Variants in MFHAS1 observed in about 807,000 individuals in gnomAD.
MFHAS1 encodes malignant fibrous histiocytoma-amplified sequence 1.
MFHAS1 carries 50 observed loss-of-function variants against 70.4 expected under a neutral mutation model. The observed-to-expected ratio is 0.71, with a 90% CI of 0.57 to 0.90. The LOEUF is 0.90. Among genes scored for constraint, MFHAS1 ranks in the 40% least tolerant of loss-of-function variants. MFHAS1 has a pLI of 0.00. For missense variants in MFHAS1, 1,795 were observed against 1,347.6 expected (o/e 1.33, Z -5.20); for synonymous variants, 952 against 620.0 (o/e 1.54, Z -7.96).
At chr8:8,879,303 A>G (rs545645574) in intron 1 of MFHAS1, among the ~76,000 whole-genome samples, 113 of 152,216 alleles carry the variant, frequency 7.4e-4, no homozygotes, top group Non-Finnish European at 1.1e-3. Flanking sequence ...GTGAGCCAAG[A>G]TCGCATCACT....
chr8:8,892,750 G>A lies in MFHAS1; in HGVS notation c.309C>T (p.Pro103=), dbSNP rs1186703477. The change falls in exon 1 of 3, where the codon CCC becomes CCT. Residue 103 remains proline, a synonymous_variant. Transcript: ENST00000276282. The surrounding 1 kb of genome is among the most constrained non-coding windows in gnomAD (Gnocchi z 4.7). ...GGTGGCCGAGCTCGGCCACCGCCGGGGGCAGCCGGGCGAAGCGGTTCCTGC... is the reference window on the plus strand; with the variant it reads ...GGTGGCCGAGCTCGGCCACCGCCGGAGGCAGCCGGGCGAAGCGGTTCCTGC... The part of the protein sequence containing the change: ...VLRRNRFARL[P]PAVAELGHHL... 7.0e-6 allele frequency: 11 copies of A among 1,575,912 alleles called. No individual in the cohort carries two copies. The highest frequency in any genetic ancestry group is 8.6e-6 in the Non-Finnish European group (10 of 1,163,392).
chr8:8,865,681 T>C lies in MFHAS1; in HGVS notation c.2998+24380A>G, dbSNP rs561146992. ...TAGTCTACTCAAGGTGAGGCTCCTA[T>C]AACTTCTTTGAAATTTCTAGTAATT... On this transcript the variant is annotated intron_variant, in intron 1 of 2. Transcript: ENST00000276282. Among the ~76,000 whole-genome samples, 42 of 152,352 alleles carry C rather than the reference T, an allele frequency of 2.8e-4. No homozygotes were observed. In the South Asian group the frequency reaches 3.3e-3, roughly 12 times the overall value.
chr8:8,879,551 C>A (rs1002396559), intron 1 of MFHAS1, among the ~76,000 whole-genome samples: 3 of 152,206 alleles, frequency 2.0e-5, no homozygotes, highest in Admixed American at 2.0e-4. Flanking sequence ...CCATTACTTT[C>A]CACCTACTCA....
intron 1 of MFHAS1, among the ~76,000 whole-genome samples, chr8:8,870,143 T>A (rs888420095): frequency 6.6e-6 from 1 of 152,102 alleles, no homozygotes; most frequent in Admixed American, 6.6e-5. Flanking sequence ...TGTTAGCTAG[T>A]GAATAGATAG....
chr8:8,794,181 C>T lies in MFHAS1; in HGVS notation c.3125+3184G>A, dbSNP rs893174931. ...CTCCAGCCTGGGTGACAGAGTGAGA[C>T]CCTTTGTCAAAAAAGAAAAAAAAAA... On this transcript the variant is annotated intron_variant, in intron 2 of 2. Coordinates refer to ENST00000276282, the MANE Select transcript of MFHAS1 (RefSeq NM_004225.3). Among the ~76,000 whole-genome samples the T allele has an allele frequency of 2.0e-5, 3 of 151,792 alleles. No homozygotes were observed. In the South Asian group the frequency reaches 6.2e-4, roughly 32 times the overall value.
chr8:8,801,137 C>G (rs1806070688), intron 1 of MFHAS1, among the ~76,000 whole-genome samples: 1 of 152,034 alleles, frequency 6.6e-6, no homozygotes, highest in South Asian at 2.1e-4. Flanking sequence ...ATCGCTTGAA[C>G]CTGGGAAGTG....
At chr8:8,828,624 A>G (rs187053438) in intron 1 of MFHAS1, among the ~76,000 whole-genome samples, 17 of 152,330 alleles carry the variant, frequency 1.1e-4, no homozygotes, top group Admixed American at 8.5e-4. Context: ...GAAAAACGCA[A>G]AAGCTAAGGG....
intron 2 of MFHAS1, among the ~76,000 whole-genome samples, chr8:8,792,147 G>C (rs1259106568): frequency 6.7e-6 from 1 of 150,214 alleles, no homozygotes; most frequent in Non-Finnish European, 1.5e-5. Context: ...GATAACAGGA[G>C]AATCATTTGA....
intron 1 of MFHAS1, among the ~76,000 whole-genome samples, chr8:8,889,814 T>C (rs1809917121): frequency 6.6e-6 from 1 of 152,124 alleles, no homozygotes. Context: ...AGATGGCAAA[T>C]GTTGTGACTG....
At chr8:8,798,361 TGTCACCCAGGCTGAA>T (rs966640808) in intron 1 of MFHAS1, among the ~76,000 whole-genome samples, 28 of 152,196 alleles carry the variant, frequency 1.8e-4, no homozygotes, top group African/African-American at 6.3e-4. Flanking sequence ...GCTCTTGGTT[TGTCACCCAGGCTGAA>T]GTGCAGTGGC....
intron 1 of MFHAS1, among the ~76,000 whole-genome samples, chr8:8,806,227 T>A (rs1183861538): frequency 1.3e-5 from 2 of 152,182 alleles, no homozygotes; most frequent in Non-Finnish European, 2.9e-5. Flanking sequence ...TCTTGGCATC[T>A]CCAGAGTCCC....
chr8:8,859,204 T>C (rs1406720297), intron 1 of MFHAS1, among the ~76,000 whole-genome samples: 1 of 151,824 alleles, frequency 6.6e-6, no homozygotes, highest in Non-Finnish European at 1.5e-5. Context: ...ATTACATGGG[T>C]GTAGTGGCAC....
chr8:8,801,896 G>C (rs1328860364), intron 1 of MFHAS1, among the ~76,000 whole-genome samples: 1 of 152,152 alleles, frequency 6.6e-6, no homozygotes, highest in African/African-American at 2.4e-5. Flanking sequence ...GAGAAGGAGA[G>C]ATTCATACTG....
chr8:8,882,485 G>T (rs749920527), intron 1 of MFHAS1, among the ~76,000 whole-genome samples: 44 of 152,230 alleles, frequency 2.9e-4, no homozygotes, highest in Non-Finnish European at 5.7e-4. Context: ...GGTGGCACAC[G>T]CCTGTAATCC....
chr8:8,848,858 A>G (rs1808132759), intron 1 of MFHAS1, among the ~76,000 whole-genome samples: 1 of 152,208 alleles, frequency 6.6e-6, no homozygotes, highest in African/African-American at 2.4e-5. Flanking sequence ...TTCCGTTCTC[A>G]AAGCTGGTGT....
chr8:8,856,778 G>A (rs918818432), intron 1 of MFHAS1, among the ~76,000 whole-genome samples: 1 of 152,028 alleles, frequency 6.6e-6, no homozygotes, highest in East Asian at 1.9e-4. Flanking sequence ...TGAGTTAATG[G>A]ATGGTTTCAA....
chr8:8,829,810 C>T (rs1286977967), intron 1 of MFHAS1, among the ~76,000 whole-genome samples: 1 of 152,166 alleles, frequency 6.6e-6, no homozygotes, highest in African/African-American at 2.4e-5. Flanking sequence ...AGACACATTT[C>T]AGATAAATAC....
intron 1 of MFHAS1, among the ~76,000 whole-genome samples, chr8:8,809,999 T>C (rs1460615026): frequency 6.6e-6 from 1 of 152,214 alleles, no homozygotes; most frequent in Non-Finnish European, 1.5e-5. Context: ...ATTATAAAAC[T>C]AGCGCCCAAG....
chr8:8,848,654 G>C (rs978986418), intron 1 of MFHAS1, among the ~76,000 whole-genome samples: 1 of 152,156 alleles, frequency 6.6e-6, no homozygotes, highest in East Asian at 1.9e-4. Flanking sequence ...GCAAGAGGTA[G>C]TTATTTTTAA....
Sources: allele counts gnomAD v4.1 joint callset (sites outside exome capture counted in the v4.1 genomes callset), GRCh38; gene constraint gnomAD v4.1.1; non-coding constraint Gnocchi (gnomAD v3.1); transcripts MANE v1.5; gene names NCBI Gene and HGNC (gene_info 2026-07-23, HGNC 2026-07-21).